The following COG5 variants were observed in gnomAD, a reference collection of about 807,000 sequenced individuals.
The protein encoded by COG5 is component of oligomeric golgi complex 5.
In COG5, 86 loss-of-function variants were observed where a neutral mutation model predicts 110.4. The ratio of observed to expected loss-of-function variants is 0.78; its 90% confidence interval spans 0.65 to 0.93. COG5 has a LOEUF of 0.93. Among genes scored for constraint, COG5 ranks in the 40% least tolerant of loss-of-function variants. COG5 has a pLI of 0.00. For synonymous variants in COG5, 360 were observed against 334.6 expected, an observed-to-expected ratio of 1.08 and a Z score of -0.83; for missense variants, 1,077 against 987.0, an observed-to-expected ratio of 1.09 and a Z score of -1.22.
At chr7:107,477,366 G>A (rs1797053244) in intron 6 of COG5, among the ~76,000 whole-genome samples, 1 of 151,454 alleles carries the variant, frequency 6.6e-6, no homozygotes, top group African/African-American at 2.4e-5. Flanking sequence ...AAACTCCCTT[G>A]TGTTTTAAAT....
chr7:107,474,864 T>C lies in COG5; in HGVS notation c.538+52373A>G, dbSNP rs1796875192. On this transcript the variant is annotated intron_variant, in intron 6 of 21. Transcript: ENST00000297135. This position sits in a 1 kb window ranked among gnomAD's most constrained non-coding sequence, Gnocchi z 5.7. ...TTTCTCTAACCACACAACATGAGGC[T>C]ACAGACATGTCACAAAGCAGTGGTG... 3 of 1,613,094 alleles carry C rather than the reference T, an allele frequency of 1.9e-6. No individual in the cohort carries two copies. The African/African-American group carries it at 4.0e-5, about 22-fold the overall frequency.
intron 10 of COG5, among the ~76,000 whole-genome samples, chr7:107,358,061 T>C (rs1812782191): frequency 6.6e-6 from 1 of 152,118 alleles, no homozygotes; most frequent in Non-Finnish European, 1.5e-5. Context: ...TGTTTTTATG[T>C]AGAAACTCTA....
At chr7:107,471,772 A>G (rs1563053975) in intron 6 of COG5, 1 of 152,018 alleles carries the variant, frequency 6.6e-6, no homozygotes, top group Non-Finnish European at 1.5e-5. Context: ...TTTCTGCACT[A>G]AATATTCAGA....
intron 6 of COG5, among the ~76,000 whole-genome samples, chr7:107,509,166 G>A (rs1799285846): frequency 6.6e-6 from 1 of 152,114 alleles, no homozygotes; most frequent in Admixed American, 6.5e-5. Context: ...GTAGACGAAT[G>A]GCTAACTAGA....
Position 107,256,751 on chromosome 7 carries a change from G to A in COG5, c.1730C>T (p.Thr577Ile), listed in dbSNP as rs1359307606. The A allele has an allele frequency of 6.2e-7, 1 of 1,609,654 alleles. No homozygotes were observed. Among genetic ancestry groups the A allele is most frequent in the Non-Finnish European group, 8.5e-7 (1 of 1,176,904 alleles). ...QSSFPLAAEQ[T>I]IISALKAIHA... The stretch of plus-strand genomic sequence containing the variant: ...TTTTACCTTTAGAGCTGAAATTATA[G>A]TTTGCTCAGCTGCCAGTGGGAATGA... The change falls in exon 16 of 22, where the codon ACT (threonine) becomes ATT (isoleucine). Residue 577 changes from threonine (T) to isoleucine (I), a missense_variant. Physicochemically the swap from Thr to Ile is moderately conservative, Grantham distance 89 (BLOSUM62 -1). Transcript: ENST00000297135.
intron 7 of COG5, among the ~76,000 whole-genome samples, chr7:107,391,538 T>C (rs777118229): frequency 1.3e-5 from 2 of 152,212 alleles, no homozygotes; most frequent in Non-Finnish European, 2.9e-5. Context: ...TTTGGTGTCA[T>C]ATCTAAGAAA....
intron 10 of COG5, among the ~76,000 whole-genome samples, chr7:107,358,159 T>C (rs1812790695): frequency 6.6e-6 from 1 of 152,228 alleles, no homozygotes; most frequent in Admixed American, 6.5e-5. Flanking sequence ...CTGAGTACAG[T>C]TGTTTCATTA....
chr7:107,420,391 A>G (rs141343082), intron 6 of COG5, among the ~76,000 whole-genome samples: 1 of 152,246 alleles, frequency 6.6e-6, no homozygotes, highest in Non-Finnish European at 1.5e-5. Context: ...TAGGGAGAAG[A>G]AGCACCCGGA....
chr7:107,558,501 G>C (rs6964999), intron 1 of COG5, among the ~76,000 whole-genome samples: 2,076 of 152,210 alleles, frequency 0.014, 45 homozygotes, highest in African/African-American at 0.046. Context: ...CTACTCGGGA[G>C]GCTGAAGTGG....
chr7:107,372,723 T>A lies in COG5; in HGVS notation c.707A>T (p.Tyr236Phe). ...AGTATCCTTCAAAGTTCCAAGATTA[T>A]AGAAAACCTGAAGAGCTGTTCCGAC... Reference protein sequence around the residue: ...TQVGTALQVFYNLGTLKDTIT... With the variant: ...TQVGTALQVFFNLGTLKDTIT... Residue 236 changes from tyrosine to phenylalanine, a missense_variant, in exon 8 of 22, where the codon TAT becomes TTT. Tyr to Phe is a conservative substitution (Grantham distance 22). Transcript: ENST00000297135. 6.2e-7 allele frequency: 1 copy of A among 1,613,550 alleles called. No homozygotes were observed.
intron 7 of COG5, among the ~76,000 whole-genome samples, chr7:107,380,509 C>T (rs1450737690): frequency 6.6e-6 from 1 of 152,110 alleles, no homozygotes; most frequent in Non-Finnish European, 1.5e-5. Context: ...GAAATATAAA[C>T]TACCATCAGA....
chr7:107,483,362 T>C (rs563069850), intron 6 of COG5, among the ~76,000 whole-genome samples: 11 of 152,258 alleles, frequency 7.2e-5, no homozygotes, highest in South Asian at 4.1e-4. Context: ...TCACAACTTA[T>C]TGAAAATGAG....
chr7:107,244,679 C>T (rs548452804), intron 17 of COG5, among the ~76,000 whole-genome samples: 116 of 151,978 alleles, frequency 7.6e-4, no homozygotes, highest in Middle Eastern at 3.4e-3. Context: ...ACCTCTAAAC[C>T]CAAAAAGTAG....
intron 6 of COG5, among the ~76,000 whole-genome samples, chr7:107,511,077 T>C (rs9655790): frequency 1.6e-4 from 22 of 139,620 alleles, no homozygotes; most frequent in African/African-American, 5.4e-4. Flanking sequence ...AGACACAAAA[T>C]ACCGTTCAAA....
At chr7:107,238,042 T>G (rs1409250164) in intron 17 of COG5, among the ~76,000 whole-genome samples, 1 of 152,234 alleles carries the variant, frequency 6.6e-6, no homozygotes, top group Non-Finnish European at 1.5e-5. Context: ...TAATGTTATA[T>G]GTATACAGTG....
intron 5 of COG5, among the ~76,000 whole-genome samples, chr7:107,528,824 T>A (rs1321539128): frequency 6.6e-6 from 1 of 152,072 alleles, no homozygotes; most frequent in East Asian, 1.9e-4. Flanking sequence ...AACATTCTTT[T>A]ATGGGTGAAA....
intron 19 of COG5, among the ~76,000 whole-genome samples, chr7:107,226,667 C>G (rs1800363154): frequency 6.6e-6 from 1 of 152,210 alleles, no homozygotes; most frequent in African/African-American, 2.4e-5. Flanking sequence ...CTCTCTTCTT[C>G]TCATCTGATA....
chr7:107,244,936 C>T (rs1187401967), intron 17 of COG5, among the ~76,000 whole-genome samples: 1 of 152,152 alleles, frequency 6.6e-6, no homozygotes, highest in East Asian at 1.9e-4. Flanking sequence ...GGGCTCCTCC[C>T]CAACCCTCAT....
chr7:107,344,454 T>C (rs1202307710), intron 10 of COG5, among the ~76,000 whole-genome samples: 1 of 152,228 alleles, frequency 6.6e-6, no homozygotes, highest in Non-Finnish European at 1.5e-5. Context: ...TAAAGGAAGG[T>C]TGTGGCTGGC....
Sources: allele counts gnomAD v4.1 joint callset (sites outside exome capture counted in the v4.1 genomes callset), GRCh38; gene constraint gnomAD v4.1.1; non-coding constraint Gnocchi (gnomAD v3.1); transcripts MANE v1.5; gene names NCBI Gene and HGNC (gene_info 2026-07-23, HGNC 2026-07-21).